The following HSDL1 variants were observed in gnomAD, a reference collection of about 807,000 sequenced individuals.
The protein encoded by HSDL1 is inactive hydroxysteroid dehydrogenase-like protein 1.
A neutral mutation model predicts 31.5 loss-of-function variants in HSDL1; 29 were observed. The observed-to-expected ratio is 0.92, with a 90% CI of 0.69 to 1.26. HSDL1 has a LOEUF of 1.26. HSDL1 is among the 50% of genes most tolerant of loss of function. The pLI, the probability that HSDL1 is intolerant of heterozygous loss-of-function variation, is 0.00. For synonymous variants in HSDL1, 222 were observed against 155.2 expected (o/e 1.43, Z -3.20); for missense variants, 503 against 416.6 (o/e 1.21, Z -1.81).
At chr16:84,132,753 A>T (rs2086680208) in intron 2 of HSDL1, among the ~76,000 whole-genome samples, 1 of 152,172 alleles carries the variant, frequency 6.6e-6, no homozygotes, top group Non-Finnish European at 1.5e-5. Flanking sequence ...CTGGCCACAG[A>T]CCGAGTGAGT....
chr16:84,131,775 G>A (rs1256372563), intron 2 of HSDL1, among the ~76,000 whole-genome samples: 2 of 151,948 alleles, frequency 1.3e-5, no homozygotes, highest in African/African-American at 2.4e-5. Context: ...GCCCCCTGGG[G>A]TTCACGCCAT....
In HSDL1 at chr16:84,129,563, C is replaced by A; in HGVS notation, c.879G>T (p.Trp293Cys). The stretch of plus-strand genomic sequence containing the variant: ...ACACTCCTACCTGAATAGAATGGGA[C>A]CAATATCCTGTGGTCCTTTTGGAAA... ...LGISKRTTGY[W>C]SHSIQFLFAQ... is the part of the protein sequence containing the mutation. The change falls in exon 5 of 6, where the codon TGG becomes TGT. Residue 293 changes from tryptophan to cysteine, a missense_variant. By Grantham distance (215) the Trp-to-Cys change is radical. Coordinates refer to ENST00000219439, the MANE Select transcript of HSDL1 (RefSeq NM_031463.5). 1 of 1,613,604 alleles carries A rather than the reference C, an allele frequency of 6.2e-7. No individual in the cohort carries two copies. Among genetic ancestry groups the A allele is most frequent in the Non-Finnish European group, 8.5e-7 (1 of 1,179,544 alleles).
intron 1 of HSDL1, among the ~76,000 whole-genome samples, chr16:84,142,476 C>G (rs2086777601): frequency 8.5e-6 from 1 of 118,270 alleles, no homozygotes; most frequent in Admixed American, 1.1e-4. Context: ...CACTCTGTCA[C>G]CCAGGCTGGA....
intron 1 of HSDL1, among the ~76,000 whole-genome samples, chr16:84,141,808 C>T (rs940869377): frequency 6.6e-6 from 1 of 152,098 alleles, no homozygotes; most frequent in South Asian, 2.1e-4. Context: ...ATGAAATGCC[C>T]GTTCCTATCT....
intron 1 of HSDL1, among the ~76,000 whole-genome samples, chr16:84,143,224 A>T (rs1179829075): frequency 1.3e-5 from 2 of 152,248 alleles, no homozygotes; most frequent in Non-Finnish European, 2.9e-5. Context: ...ATGAATGAAT[A>T]AGCAAAATGT....
intron 2 of HSDL1, 22 bp from the exon 3 acceptor site, chr16:84,131,349 G>C (rs1251953648): frequency 6.6e-7 from 1 of 1,505,136 alleles, no homozygotes; most frequent in East Asian, 2.3e-5. Flanking sequence ...GGGAAAGAGA[G>C]AGAGCCTCTT....
chr16:84,131,171 G>A lies in HSDL1; in HGVS notation c.151C>T (p.His51Tyr), dbSNP rs747028157. 2 of 1,614,160 alleles carry A rather than the reference G, an allele frequency of 1.2e-6. No homozygotes were observed. Among genetic ancestry groups the A allele is most frequent in the Non-Finnish European group, 1.7e-6 (2 of 1,180,002 alleles). The change falls in exon 3 of 6, where the codon CAT (histidine) becomes TAT (tyrosine). Residue 51 changes from histidine to tyrosine, a missense_variant. Coordinates refer to ENST00000219439, the MANE Select transcript of HSDL1 (RefSeq NM_031463.5). The part of the protein sequence containing the change: ...ICDFYSLIRL[H>Y]FIPRLGSRAD... The stretch of plus-strand genomic sequence containing the variant: ...CTGCTCCCCAGGCGGGGGATAAAAT[G>A]CAGCCTGATCAGGCTGTAAAAGTCA...
intron 2 of HSDL1, among the ~76,000 whole-genome samples, chr16:84,132,950 GCAACTTT>G (rs1225031130): frequency 1.3e-5 from 2 of 149,494 alleles, no homozygotes; most frequent in Non-Finnish European, 3.0e-5. Context: ...TCTGGGGGTG[GCAACTTT>G]TGAAGAAATC....
chr16:84,134,336 A>C (rs2086693654), intron 2 of HSDL1, among the ~76,000 whole-genome samples: 1 of 152,158 alleles, frequency 6.6e-6, no homozygotes, highest in Non-Finnish European at 1.5e-5. Context: ...AAAAACTGAC[A>C]TTCCAGCCAG....
intron 1 of HSDL1, among the ~76,000 whole-genome samples, chr16:84,144,025 A>G (rs1368259615): frequency 1.3e-5 from 2 of 149,752 alleles, no homozygotes; most frequent in Admixed American, 6.7e-5. Flanking sequence ...GAATCAATCA[A>G]TCAATCAACA....
At chr16:84,139,958 C>T (rs565184134) in intron 1 of HSDL1, among the ~76,000 whole-genome samples, 5 of 152,252 alleles carry the variant, frequency 3.3e-5, no homozygotes, top group South Asian at 2.1e-4. Flanking sequence ...TACTCCAAAT[C>T]CTCTGTTCTT....
chr16:84,131,343 A>AAG lies in HSDL1; in HGVS notation c.-6-18_-6-17dup. 1 of 1,539,306 alleles carries AAG rather than the reference A, an allele frequency of 6.5e-7. No individual in the cohort carries two copies. Among genetic ancestry groups the AAG allele is most frequent in the Non-Finnish European group, 9.0e-7 (1 of 1,112,790 alleles). On this transcript the variant is annotated splice_polypyrimidine_tract_variant and intron_variant, in intron 2 of 5. Transcript: ENST00000219439. ...CCATGGCAACCTGCAGGGAGAGGGA[A>AAG]AGAGAGAGAGCCTCTTTGATTAATA... is the stretch of plus-strand genomic sequence containing the variant.
intron 2 of HSDL1, among the ~76,000 whole-genome samples, chr16:84,133,653 C>T (rs760231279): frequency 1.3e-5 from 2 of 152,134 alleles, no homozygotes; most frequent in Non-Finnish European, 2.9e-5. Flanking sequence ...TGCTTGAACC[C>T]GGGAGGAGGA....
rs1242572673 is a variant in HSDL1 at position 84,130,256 on chromosome 16, G to C, written c.396C>G (p.Ile132Met). 1.9e-6 allele frequency: 3 copies of C among 1,614,110 alleles called. No homozygotes were observed. The African/African-American group carries it at 4.0e-5, about 22-fold the overall frequency. Reference sequence around the variant, plus strand: ...TCAGGGCTTCTCGAATTGGAAGGTAGATCTCACGACCGCTGCTGAAGTCCG... The same window carrying C: ...TCAGGGCTTCTCGAATTGGAAGGTACATCTCACGACCGCTGCTGAAGTCCG... ...IVADFSSGRE[I>M]YLPIREALKD... Residue 132 changes from isoleucine (I) to methionine (M), a missense_variant, in exon 4 of 6, where the codon ATC becomes ATG. Ile to Met is a conservative substitution (Grantham distance 10). Transcript: ENST00000219439.
At chr16:84,142,098 T>A (rs1271516848) in intron 1 of HSDL1, among the ~76,000 whole-genome samples, 1 of 152,142 alleles carries the variant, frequency 6.6e-6, no homozygotes, top group South Asian at 2.1e-4. Flanking sequence ...AGTTAAATTT[T>A]TTTTGTGTGT....
chr16:84,133,401 C>A (rs577332571), intron 2 of HSDL1, among the ~76,000 whole-genome samples: 3 of 152,266 alleles, frequency 2.0e-5, no homozygotes, highest in African/African-American at 7.2e-5. Flanking sequence ...GATATTGCTG[C>A]TATATTAAGT....
At chr16:84,141,099 A>AAAAAAAC (rs2086765472) in intron 1 of HSDL1, among the ~76,000 whole-genome samples, 1 of 151,334 alleles carries the variant, frequency 6.6e-6, no homozygotes, top group African/African-American at 2.5e-5. Flanking sequence ...TCAAACAAAA[A>AAAAAAAC]AAAAAACAGT....
At position 84,130,361 on chromosome 16, in the gene HSDL1, A is replaced by T; in HGVS notation, c.291T>A (p.Ile97=). The part of the protein sequence containing the change: ...LASRGLNIIL[I]SRNEEKLQVV... ...CCTGCAACTTCTCCTCGTTCCGACT[A>T]ATCAGGATTATATTGAGACCTCGGC... Residue 97 remains isoleucine (I), a synonymous_variant, in exon 4 of 6, where the codon ATT becomes ATA. Transcript: ENST00000219439. The T allele has an allele frequency of 6.2e-7, 1 of 1,614,160 alleles. No individual in the cohort carries two copies. Among genetic ancestry groups the T allele is most frequent in the Non-Finnish European group, 8.5e-7 (1 of 1,180,036 alleles).
At position 84,131,344 on chromosome 16, in the gene HSDL1, A is replaced by G; in HGVS notation, c.-6-17T>C. The G allele has an allele frequency of 6.5e-7, 1 of 1,532,964 alleles. No homozygotes were observed. The highest frequency in any genetic ancestry group is 9.0e-7 in the Non-Finnish European group (1 of 1,107,044). 95.0% of individuals were successfully genotyped at this position (1,532,964 alleles called of 1,614,324 possible). A position where few individuals can be genotyped will look rare whatever the true frequency, so the allele number is the denominator to read the frequency against. On this transcript the variant is annotated splice_polypyrimidine_tract_variant and intron_variant, in intron 2 of 5. Transcript: ENST00000219439. Reference sequence around the variant, plus strand: ...CATGGCAACCTGCAGGGAGAGGGAAAGAGAGAGAGCCTCTTTGATTAATAA... The same window carrying G: ...CATGGCAACCTGCAGGGAGAGGGAAGGAGAGAGAGCCTCTTTGATTAATAA...
Sources: allele counts gnomAD v4.1 joint callset (sites outside exome capture counted in the v4.1 genomes callset), GRCh38; gene constraint gnomAD v4.1.1; transcripts MANE v1.5; gene names NCBI Gene and HGNC (gene_info 2026-07-23, HGNC 2026-07-21).